Variants in PARM1 observed in about 807,000 individuals in gnomAD.
PARM1 encodes the protein WSC4, cell wall integrity and stress response component 4 homolog.
PARM1 carries 14 observed loss-of-function variants against 24.6 expected under a neutral mutation model. The ratio of observed to expected loss-of-function variants is 0.57; its 90% CI spans 0.38 to 0.89. PARM1 has a LOEUF of 0.89. Ranked by LOEUF, PARM1 falls within the 40% of genes least tolerant of loss-of-function variation. The probability of loss-of-function intolerance (pLI) is 0.00; values close to 1 mark genes in which losing one functional copy is unlikely to be tolerated. For missense variants in PARM1, 362 were observed against 380.4 expected, an observed-to-expected ratio of 0.95 and a Z score of 0.40; for synonymous variants, 179 against 156.6, an observed-to-expected ratio of 1.14 and a Z score of -1.07.
intron 3 of PARM1, among the ~76,000 whole-genome samples, chr4:75,040,671 G>A (rs747150963): frequency 8.5e-5 from 13 of 152,338 alleles, no homozygotes; most frequent in African/African-American, 3.1e-4. Context: ...CCACAATTAT[G>A]TATCAACATT....
At chr4:74,941,406 G>A (rs1001944563) in intron 1 of PARM1, among the ~76,000 whole-genome samples, 5 of 152,158 alleles carry the variant, frequency 3.3e-5, no homozygotes, top group African/African-American at 7.2e-5. Flanking sequence ...CAAAAATTAC[G>A]GAGGAGAAGC....
At chr4:74,976,300 G>T (rs946531115) in intron 1 of PARM1, among the ~76,000 whole-genome samples, 1 of 152,216 alleles carries the variant, frequency 6.6e-6, no homozygotes, top group Non-Finnish European at 1.5e-5. Flanking sequence ...TGGACTGGGA[G>T]GAATTCCCAC....
chr4:74,969,048 G>A (rs1171740240), intron 1 of PARM1, among the ~76,000 whole-genome samples: 1 of 152,200 alleles, frequency 6.6e-6, no homozygotes, highest in East Asian at 1.9e-4. Context: ...CTAAATACAA[G>A]CACATGGTAA....
In PARM1 at chr4:75,049,157, A is replaced by C. The variant is rs898109868; in HGVS notation, c.*2910A>C. 7.9e-5 allele frequency: 12 copies of C among 152,166 alleles called. No individual in the cohort carries two copies. Among genetic ancestry groups the C allele is most frequent in the African/African-American group, 2.9e-4 (12 of 41,432 alleles). 9.4% of individuals were successfully genotyped at this position (152,166 alleles called of 1,614,324 possible). A position where few individuals can be genotyped will look rare whatever the true frequency, so the allele number is the denominator to read the frequency against. Reference sequence around the variant, plus strand: ...TCTCGGCCATCGACTGCAGATGATGAAAGAGCGGGATTCAACTTTGTTTTC... The same window carrying C: ...TCTCGGCCATCGACTGCAGATGATGCAAGAGCGGGATTCAACTTTGTTTTC... On this transcript the variant is annotated 3_prime_UTR_variant, in exon 4 of 4. Coordinates refer to ENST00000307428, the MANE Select transcript of PARM1 (RefSeq NM_015393.4).
intron 1 of PARM1, among the ~76,000 whole-genome samples, chr4:74,936,199 T>C (rs1412943694): frequency 1.3e-5 from 2 of 152,180 alleles, no homozygotes; most frequent in African/African-American, 4.8e-5. Context: ...AGGTTGATTA[T>C]GGTAGAAAAC....
At chr4:74,988,390 G>T (rs1333509864) in intron 1 of PARM1, among the ~76,000 whole-genome samples, 1 of 152,104 alleles carries the variant, frequency 6.6e-6, no homozygotes, top group Non-Finnish European at 1.5e-5. Flanking sequence ...TTTACATAAT[G>T]GTGGGAGAGA....
chr4:75,022,198 A>G (rs535129936), intron 2 of PARM1, among the ~76,000 whole-genome samples: 1 of 152,262 alleles, frequency 6.6e-6, no homozygotes, highest in African/African-American at 2.4e-5. Flanking sequence ...GCATTTCTCT[A>G]ATGATTAGTG....
At chr4:74,982,039 C>T (rs886575498) in intron 1 of PARM1, among the ~76,000 whole-genome samples, 6 of 152,122 alleles carry the variant, frequency 3.9e-5, no homozygotes, top group African/African-American at 1.4e-4. Flanking sequence ...GGCATGGCAT[C>T]AACCCAAATG....
chr4:74,962,014 T>C (rs1418538013), intron 1 of PARM1, among the ~76,000 whole-genome samples: 5 of 152,200 alleles, frequency 3.3e-5, no homozygotes, highest in Admixed American at 2.6e-4. Flanking sequence ...CTATTATCAG[T>C]TTTAAAATCA....
At chr4:74,961,783 T>A (rs923810613) in intron 1 of PARM1, among the ~76,000 whole-genome samples, 1 of 152,158 alleles carries the variant, frequency 6.6e-6, no homozygotes, top group Admixed American at 6.5e-5. Flanking sequence ...TGAGAAAGTA[T>A]GTTACCACTA....
chr4:74,998,331 T>C (rs1464079570), intron 1 of PARM1, among the ~76,000 whole-genome samples: 2 of 152,116 alleles, frequency 1.3e-5, no homozygotes, highest in Non-Finnish European at 2.9e-5. Context: ...GCTGCCTCTT[T>C]CTGGAATAGT....
At chr4:74,985,524 G>A (rs927956177) in intron 1 of PARM1, among the ~76,000 whole-genome samples, 11 of 152,232 alleles carry the variant, frequency 7.2e-5, no homozygotes, top group Middle Eastern at 3.4e-3. Flanking sequence ...ATTGAGGTTC[G>A]GTGAAAGGGA....
intron 1 of PARM1, among the ~76,000 whole-genome samples, chr4:74,960,602 C>A (rs933190434): frequency 9.2e-5 from 14 of 152,192 alleles, no homozygotes; most frequent in African/African-American, 3.1e-4. Flanking sequence ...CAGTATTCAA[C>A]AACAACAAAA....
intron 2 of PARM1, among the ~76,000 whole-genome samples, chr4:75,013,482 A>G (rs1428885827): frequency 6.6e-6 from 1 of 152,248 alleles, no homozygotes; most frequent in African/African-American, 2.4e-5. Flanking sequence ...CTGACCTTAG[A>G]CAAGTTACTT....
intron 2 of PARM1, 51 bp downstream of exon 2, chr4:75,013,201 G>C (rs982799215): frequency 1.3e-6 from 2 of 1,546,346 alleles, no homozygotes; most frequent in Admixed American, 1.7e-5. Context: ...CTCACATTAA[G>C]AATGCAGTTC....
Position 74,933,265 on chromosome 4 carries a change from GCT to G in PARM1, c.-60_-59del, listed in dbSNP as rs760124076. On this transcript the variant is annotated 5_prime_UTR_variant, in exon 1 of 4. Coordinates refer to ENST00000307428, the MANE Select transcript of PARM1 (RefSeq NM_015393.4). ...AGGAGTCGCTACCAGCGCCCAGTGCGCTCTGTCAGTCCGCAAACTCCTTGCCG... is the reference window on the plus strand; with the variant it reads ...AGGAGTCGCTACCAGCGCCCAGTGCGCTGTCAGTCCGCAAACTCCTTGCCG... 99 of 1,471,674 alleles carry G rather than the reference GCT, an allele frequency of 6.7e-5. No homozygotes were observed. The highest frequency in any genetic ancestry group is 8.9e-5 in the Non-Finnish European group (94 of 1,056,402). The allele number at this position is 1,471,674 out of a possible 1,614,324, so 91.2% of individuals were successfully genotyped here. A position where few individuals can be genotyped will look rare whatever the true frequency, so the allele number is the denominator to read the frequency against.
At chr4:74,958,947 G>A (rs1206378259) in intron 1 of PARM1, among the ~76,000 whole-genome samples, 3 of 152,106 alleles carry the variant, frequency 2.0e-5, no homozygotes, top group Non-Finnish European at 4.4e-5. Context: ...TTCACATTAG[G>A]CTTCTCAAGA....
intron 1 of PARM1, among the ~76,000 whole-genome samples, chr4:74,934,996 C>CTTTTTTTTTTTTT (rs11392364): frequency 1.7e-5 from 2 of 116,552 alleles, no homozygotes; most frequent in Middle Eastern, 3.8e-3. Flanking sequence ...GCTCTTTTTT[C>CTTTTTTTTTTTTT]TTTTTTTTTT....
At chr4:74,991,839 C>G (rs1335616040) in intron 1 of PARM1, among the ~76,000 whole-genome samples, 2 of 151,990 alleles carry the variant, frequency 1.3e-5, no homozygotes, top group Non-Finnish European at 2.9e-5. Context: ...TACACATGTC[C>G]CAGAACAAAG....
Sources: gnomAD v4.1 joint callset for allele counts (sites outside exome capture counted in the v4.1 genomes callset) on GRCh38, gnomAD v4.1.1 for gene constraint, MANE v1.5 for transcripts, NCBI Gene and HGNC (gene_info 2026-07-23, HGNC 2026-07-21) for gene names.